The following CAMTA1 variants were observed in gnomAD, a reference collection of about 807,000 sequenced individuals.
CAMTA1 encodes the protein calmodulin-binding transcription activator 1.
Under a neutral mutation model 170.9 loss-of-function variants are expected in CAMTA1, and 27 were observed. The ratio of observed to expected loss-of-function variants is 0.16; its 90% CI spans 0.12 to 0.22. The LOEUF is 0.22. Ranked by LOEUF, CAMTA1 falls within the 10% of genes least tolerant of loss-of-function variation. The probability of loss-of-function intolerance (pLI) is 1.00; values close to 1 mark genes in which losing one functional copy is unlikely to be tolerated. For synonymous variants in CAMTA1, 833 were observed against 891.5 expected (o/e 0.93, Z 1.17); for missense variants, 1,619 against 2,217.2 (o/e 0.73, Z 5.42).
intron 4 of CAMTA1, among the ~76,000 whole-genome samples, chr1:7,184,152 C>T (rs1652781031): frequency 6.6e-6 from 1 of 152,052 alleles, no homozygotes; most frequent in African/African-American, 2.4e-5. Context: ...TTTTCATGTT[C>T]TTGCTTATTC....
chr1:6,875,277 T>G (rs760457939), intron 3 of CAMTA1, among the ~76,000 whole-genome samples: 8 of 152,150 alleles, frequency 5.3e-5, no homozygotes, highest in Non-Finnish European at 7.3e-5. Flanking sequence ...TTATCATCCT[T>G]CAGCCATCAG....
intron 5 of CAMTA1, among the ~76,000 whole-genome samples, chr1:7,343,081 A>G (rs891316089): frequency 1.3e-5 from 2 of 152,216 alleles, no homozygotes; most frequent in African/African-American, 4.8e-5. Context: ...AAAAGGGTAC[A>G]ACCTTACTTC....
chr1:7,467,972 C>T lies in CAMTA1; in HGVS notation c.510+71C>T, dbSNP rs144673458. ...AAGGGTCTGTGGAGGGCACTGAGGG[C>T]GCGGGGCTCCGCATGCGACACGGCT... On this transcript the variant is annotated intron_variant, in intron 6 of 22. Transcript: ENST00000303635. 3.9e-3 allele frequency: 4,883 copies of T among 1,251,168 alleles called. 37 individuals carry two copies. The highest frequency in any genetic ancestry group is 0.016 in the South Asian group (1,269 of 80,340). 77.5% of individuals were successfully genotyped at this position (1,251,168 alleles called of 1,614,324 possible). A position where few individuals can be genotyped will look rare whatever the true frequency, so the allele number is the denominator to read the frequency against.
chr1:6,904,512 TCTC>T (rs1181348087), intron 3 of CAMTA1, among the ~76,000 whole-genome samples: 1 of 151,828 alleles, frequency 6.6e-6, no homozygotes, highest in Non-Finnish European at 1.5e-5. Flanking sequence ...ATCTTTAGGC[TCTC>T]CTCCCCTGAA....
At chr1:6,987,880 T>C (rs1695619916) in intron 3 of CAMTA1, among the ~76,000 whole-genome samples, 1 of 151,970 alleles carries the variant, frequency 6.6e-6, no homozygotes. Flanking sequence ...CCCAGCCTCA[T>C]GGTCCCCAGG....
intron 6 of CAMTA1, among the ~76,000 whole-genome samples, chr1:7,636,832 C>G (rs1425877997): frequency 6.6e-6 from 1 of 152,148 alleles, no homozygotes. Flanking sequence ...TAATTTGATT[C>G]TACAAACCTG....
intron 5 of CAMTA1, among the ~76,000 whole-genome samples, chr1:7,390,231 G>C (rs540254291): frequency 1.2e-4 from 19 of 152,304 alleles, no homozygotes; most frequent in Admixed American, 1.0e-3. Flanking sequence ...AGCAAAGCGA[G>C]CTTAGGGTTC....
At chr1:6,878,004 G>C (rs1405524411) in intron 3 of CAMTA1, among the ~76,000 whole-genome samples, 1 of 152,190 alleles carries the variant, frequency 6.6e-6, no homozygotes. Flanking sequence ...CAGGTAATTA[G>C]GAACAGGAGC....
At chr1:7,537,578 C>G (rs549451205) in intron 6 of CAMTA1, among the ~76,000 whole-genome samples, 1 of 152,212 alleles carries the variant, frequency 6.6e-6, no homozygotes, top group African/African-American at 2.4e-5. Flanking sequence ...ACCCTGGGGA[C>G]GCTGGTCCTC....
At chr1:7,583,942 C>T (rs2095285151) in intron 6 of CAMTA1, among the ~76,000 whole-genome samples, 1 of 152,096 alleles carries the variant, frequency 6.6e-6, no homozygotes. Context: ...CCCCTGGGAC[C>T]CTGAGCTCTG....
chr1:7,154,583 G>A (rs1457707073), intron 4 of CAMTA1, among the ~76,000 whole-genome samples: 1 of 152,184 alleles, frequency 6.6e-6, no homozygotes, highest in African/African-American at 2.4e-5. Flanking sequence ...AATCTGTCCT[G>A]TGCGTGTGAT....
In CAMTA1 at chr1:7,642,157, C is replaced by T. The variant is rs2095767089; in HGVS notation, c.664+1604C>T. Among the ~76,000 whole-genome samples the T allele has an allele frequency of 6.6e-6, 1 of 152,184 alleles. No homozygotes were observed. The highest frequency in any genetic ancestry group is 2.4e-5 in the African/African-American group (1 of 41,434). On this transcript the variant is annotated intron_variant, in intron 7 of 22. Coordinates refer to ENST00000303635, the MANE Select transcript of CAMTA1 (RefSeq NM_015215.4). This position sits in a 1 kb window ranked among gnomAD's most constrained non-coding sequence, Gnocchi z 6.3. ...CCTGTGCCCTGGCCTCCTCGAGCCC[C>T]CACGGGGGAGATGTCAGCTTCCCGC...
At chr1:7,412,955 G>A (rs904720287) in intron 5 of CAMTA1, among the ~76,000 whole-genome samples, 16 of 152,124 alleles carry the variant, frequency 1.1e-4, no homozygotes, top group African/African-American at 3.9e-4. Context: ...AAGGGATCCA[G>A]TTTCAGCTTT....
At chr1:7,127,428 T>G (rs1645002329) in intron 4 of CAMTA1, among the ~76,000 whole-genome samples, 1 of 152,010 alleles carries the variant, frequency 6.6e-6, no homozygotes, top group East Asian at 1.9e-4. Flanking sequence ...TCATCTGCAC[T>G]GTTACAATCC....
At chr1:7,711,732 G>A (rs940337520) in intron 11 of CAMTA1, among the ~76,000 whole-genome samples, 1 of 152,172 alleles carries the variant, frequency 6.6e-6, no homozygotes, top group Non-Finnish European at 1.5e-5. Flanking sequence ...CTCTTTTCTA[G>A]TGAAAGAAGC....
intron 3 of CAMTA1, among the ~76,000 whole-genome samples, chr1:6,923,089 A>C (rs1165355711): frequency 1.3e-5 from 2 of 152,236 alleles, no homozygotes; most frequent in African/African-American, 4.8e-5. Flanking sequence ...GATCAGTAAA[A>C]GAACAGAGAC....
At chr1:7,741,001 G>A (rs914880712) in intron 16 of CAMTA1, among the ~76,000 whole-genome samples, 5 of 152,218 alleles carry the variant, frequency 3.3e-5, no homozygotes, top group Admixed American at 6.5e-5. Context: ...TCATAGAGGA[G>A]TGAACAATCA....
chr1:6,846,149 T>C (rs1367972460), intron 3 of CAMTA1, among the ~76,000 whole-genome samples: 6 of 152,210 alleles, frequency 3.9e-5, no homozygotes, highest in Non-Finnish European at 7.3e-5. Context: ...AAGGTGAGAT[T>C]TGGGTGGGGA....
chr1:7,085,917 T>A (rs149759097), intron 3 of CAMTA1, among the ~76,000 whole-genome samples: 1 of 152,250 alleles, frequency 6.6e-6, no homozygotes, highest in East Asian at 1.9e-4. Context: ...TGACACCAGG[T>A]GCAGCATCGC....
Sources: allele counts gnomAD v4.1 joint callset (sites outside exome capture counted in the v4.1 genomes callset), GRCh38; gene constraint gnomAD v4.1.1; non-coding constraint Gnocchi (gnomAD v3.1); transcripts MANE v1.5; gene names NCBI Gene and HGNC (gene_info 2026-07-23, HGNC 2026-07-21).